Variants in CFAP20DC observed in about 807,000 individuals in gnomAD.
CFAP20DC encodes the protein CFAP20 domain containing, also known as protein CFAP20DC.
Under a neutral mutation model 101.7 loss-of-function variants are expected in CFAP20DC, and 84 were observed. That is an observed-to-expected ratio of 0.83 (90% CI 0.69 to 0.99). The LOEUF is 0.99. CFAP20DC is among the 50% of genes least tolerant of loss of function. The pLI is 0.00. For missense variants in CFAP20DC, 1,007 were observed against 970.3 expected, an observed-to-expected ratio of 1.04 and a Z score of -0.50; for synonymous variants, 359 against 351.2, an observed-to-expected ratio of 1.02 and a Z score of -0.25.
chr3:58,824,186 A>T (rs1227088853), intron 14 of CFAP20DC, among the ~76,000 whole-genome samples: 2 of 152,162 alleles, frequency 1.3e-5, no homozygotes, highest in Non-Finnish European at 2.9e-5. Context: ...GTTCAGGAGG[A>T]TTAAAAGAAA....
At chr3:58,870,419 C>T (rs2080067034) in intron 7 of CFAP20DC, 110 bp from the exon 8 acceptor site, 4 of 1,022,678 alleles carry the variant, frequency 3.9e-6, no homozygotes, top group Non-Finnish European at 6.0e-6. Context: ...CCAAATCCCC[C>T]CTCCCCCCTC....
chr3:58,763,798 G>A (rs1450835726), intron 15 of CFAP20DC, among the ~76,000 whole-genome samples: 1 of 152,164 alleles, frequency 6.6e-6, no homozygotes, highest in Non-Finnish European at 1.5e-5. Context: ...TTTGCTGGAG[G>A]TGCACTCCAG....
At chr3:58,982,673 C>G (rs972307239) in intron 4 of CFAP20DC, among the ~76,000 whole-genome samples, 7 of 125,806 alleles carry the variant, frequency 5.6e-5, no homozygotes, top group Admixed American at 1.0e-4. Flanking sequence ...CACATGGACA[C>G]AGGAAGGGGA....
intron 12 of CFAP20DC, among the ~76,000 whole-genome samples, chr3:58,857,148 A>T (rs2078901816): frequency 6.6e-6 from 1 of 152,248 alleles, no homozygotes; most frequent in African/African-American, 2.4e-5. Flanking sequence ...ATACCTAAAA[A>T]GTGATAACAT....
chr3:58,833,937 A>G (rs2076565880), intron 13 of CFAP20DC, among the ~76,000 whole-genome samples: 1 of 152,212 alleles, frequency 6.6e-6, no homozygotes, highest in Non-Finnish European at 1.5e-5. Flanking sequence ...GAAAGAAGCC[A>G]GGCACAAAAG....
intron 14 of CFAP20DC, among the ~76,000 whole-genome samples, chr3:58,817,873 T>C (rs1348322581): frequency 6.6e-6 from 1 of 150,804 alleles, no homozygotes; most frequent in Non-Finnish European, 1.5e-5. Flanking sequence ...GGAAAAAATG[T>C]TAAGGGCAGC....
chr3:58,965,197 G>T (rs1344983533), intron 4 of CFAP20DC, among the ~76,000 whole-genome samples: 1 of 151,938 alleles, frequency 6.6e-6, no homozygotes. Flanking sequence ...AGGCTCGAAG[G>T]TGTTAAGTTG....
At chr3:58,952,061 TA>T (rs2090176047) in intron 4 of CFAP20DC, among the ~76,000 whole-genome samples, 2 of 152,142 alleles carry the variant, frequency 1.3e-5, no homozygotes, top group African/African-American at 4.8e-5. Context: ...ACATGATGGT[TA>T]GGGGGTAGGG....
At chr3:58,783,546 A>C (rs188550392) in intron 15 of CFAP20DC, among the ~76,000 whole-genome samples, 16 of 152,216 alleles carry the variant, frequency 1.1e-4, no homozygotes, top group Admixed American at 7.2e-4. Context: ...AAATATTTGC[A>C]AACTACTCAT....
chr3:58,991,736 C>T (rs1209884317), intron 4 of CFAP20DC, among the ~76,000 whole-genome samples: 2 of 152,104 alleles, frequency 1.3e-5, no homozygotes, highest in Non-Finnish European at 2.9e-5. Flanking sequence ...GAATCTAATA[C>T]CACTGTTGAT....
chr3:58,780,226 A>G (rs2071698638), intron 15 of CFAP20DC, among the ~76,000 whole-genome samples: 1 of 152,164 alleles, frequency 6.6e-6, no homozygotes, highest in Non-Finnish European at 1.5e-5. Flanking sequence ...AGGAAGTCTC[A>G]CACCTGGAAG....
intron 15 of CFAP20DC, among the ~76,000 whole-genome samples, chr3:58,771,679 C>T (rs1426463706): frequency 1.3e-5 from 2 of 152,186 alleles, no homozygotes; most frequent in Non-Finnish European, 1.5e-5. Flanking sequence ...GAGAGGAGAA[C>T]ATTCTTATCA....
chr3:58,927,766 G>A (rs2086145432), intron 5 of CFAP20DC, among the ~76,000 whole-genome samples: 1 of 152,136 alleles, frequency 6.6e-6, no homozygotes, highest in African/African-American at 2.4e-5. Flanking sequence ...ACAACAGGAA[G>A]GCCACTAGAG....
intron 4 of CFAP20DC, among the ~76,000 whole-genome samples, chr3:58,967,334 C>T (rs1276132219): frequency 6.6e-6 from 1 of 152,086 alleles, no homozygotes; most frequent in African/African-American, 2.4e-5. Context: ...AAAATTTGAT[C>T]CCCATCTCAC....
chr3:58,719,598 C>G (rs1200883466), intron 3 of CFAP20DC, among the ~76,000 whole-genome samples: 1 of 152,204 alleles, frequency 6.6e-6, no homozygotes, highest in Non-Finnish European at 1.5e-5. Context: ...AAGACAGAGT[C>G]TCACCTGGTT....
rs944982411 is a variant in CFAP20DC, at chr3:58,729,533, A to G, written c.198-11905T>C. ...GACACTAGATAAGTTTGTTAATTTTAGTAATTTATCTGTAGATTTTCTTGG... is the reference window on the plus strand; with the variant it reads ...GACACTAGATAAGTTTGTTAATTTTGGTAATTTATCTGTAGATTTTCTTGG... On this transcript the variant is annotated intron_variant, in intron 3 of 3. Coordinates refer to the CFAP20DC transcript ENST00000486145. The surrounding 1 kb of genome is among the most constrained non-coding windows in gnomAD (Gnocchi z 4.4). Among the ~76,000 whole-genome samples, 1 of 152,222 alleles carries G rather than the reference A, an allele frequency of 6.6e-6. No homozygotes were observed. The highest frequency in any genetic ancestry group is 1.5e-5 in the Non-Finnish European group (1 of 68,044).
chr3:58,966,115 T>C (rs535995778), intron 4 of CFAP20DC, among the ~76,000 whole-genome samples: 76 of 152,334 alleles, frequency 5.0e-4, no homozygotes, highest in African/African-American at 1.7e-3. Flanking sequence ...CCATCCTACT[T>C]TGTCCCTTCC....
At chr3:58,862,330 G>A in intron 12 of CFAP20DC, 1 of 985,422 alleles carries the variant, frequency 1.0e-6, no homozygotes, top group Non-Finnish European at 1.2e-6. Context: ...ATTAGGTGCT[G>A]AAGACAAATG....
At position 58,894,768 on chromosome 3, in the gene CFAP20DC, C is replaced by G. The variant is rs2082535573; in HGVS notation, c.551-10059G>C. Among the ~76,000 whole-genome samples the G allele has an allele frequency of 6.6e-6, 1 of 152,244 alleles. No individual in the cohort carries two copies. The highest frequency in any genetic ancestry group is 1.5e-5 in the Non-Finnish European group (1 of 68,052). On this transcript the variant is annotated intron_variant, in intron 6 of 16. Coordinates refer to ENST00000482387, the MANE Select transcript of CFAP20DC (RefSeq NM_001394063.1). This position sits in a 1 kb window ranked among gnomAD's most constrained non-coding sequence, Gnocchi z 4.1. Reference sequence around the variant, plus strand: ...ACATTTCCCTTCTGCACTGCCCTAGCTGAGGTTCTCATGAGGGCCCTGCCC... The same window carrying G: ...ACATTTCCCTTCTGCACTGCCCTAGGTGAGGTTCTCATGAGGGCCCTGCCC...
Sources: gnomAD v4.1 joint callset for allele counts (sites outside exome capture counted in the v4.1 genomes callset) on GRCh38, gnomAD v4.1.1 for gene constraint, Gnocchi (gnomAD v3.1) non-coding constraint, MANE v1.5 for transcripts, NCBI Gene and HGNC (gene_info 2026-07-23, HGNC 2026-07-21) for gene names.